Variants in EXD3 observed in about 807,000 individuals in gnomAD.
EXD3 encodes the protein exonuclease mut-7 homolog.
EXD3 carries 92 observed loss-of-function variants against 98.0 expected under a neutral mutation model. The observed-to-expected ratio is 0.94, with a 90% confidence interval of 0.79 to 1.12. The LOEUF (loss-of-function observed/expected upper bound fraction) is 1.12, where lower values mean the gene tolerates loss of function less well. Ranked by LOEUF, EXD3 falls within the 50% of genes most tolerant of loss-of-function variation. The probability of loss-of-function intolerance (pLI) is 0.00; values close to 1 mark genes in which losing one functional copy is unlikely to be tolerated. For synonymous variants in EXD3, 569 were observed against 526.0 expected, an observed-to-expected ratio of 1.08 and a Z score of -1.12; for missense variants, 1,222 against 1,191.6, an observed-to-expected ratio of 1.03 and a Z score of -0.38.
Position 137,316,492 on chromosome 9 carries a change from C to T in EXD3, c.2185-6792G>A, listed in dbSNP as rs146124203. Among the ~76,000 whole-genome samples, 1,450 of 152,278 alleles carry T rather than the reference C, an allele frequency of 9.5e-3. 20 individuals carry two copies. Among genetic ancestry groups the T allele is most frequent in the African/African-American group, 0.032 (1,315 of 41,564 alleles). ...CCATTCCAACCAATGGGGCCGGTCCCGGCAGCAGGTGGCAGGCCCTGAACC... is the reference window on the plus strand; with the variant it reads ...CCATTCCAACCAATGGGGCCGGTCCTGGCAGCAGGTGGCAGGCCCTGAACC... On this transcript the variant is annotated intron_variant, in intron 19 of 21. Coordinates refer to ENST00000340951, the MANE Select transcript of EXD3 (RefSeq NM_017820.5).
At position 137,356,335 on chromosome 9, in the gene EXD3, C is replaced by T. The variant is rs768755151; in HGVS notation, c.690G>A (p.Glu230=). The change falls in exon 8 of 22, where the codon GAG becomes GAA. Residue 230 remains glutamate, a synonymous_variant. Transcript: ENST00000340951. ...RYPEVTSLSL[E]KLSPKALSRQ... is the part of the protein sequence containing the mutation. ...TGCTCAGCGCCTTCGGACTCAGCTT[C>T]TCCAGGCTCAAGGAGGTCACCTCAG... 14 of 1,604,572 alleles carry T rather than the reference C, an allele frequency of 8.7e-6. No homozygotes were observed. The South Asian group carries it at 1.6e-4, about 18-fold the overall frequency.
rs1228595303 is a variant in EXD3, at chr9:137,349,105, C to T, written c.1830+5G>A. 6.3e-7 allele frequency: 1 copy of T among 1,590,270 alleles called. No homozygotes were observed. The highest frequency in any genetic ancestry group is 1.1e-5 in the South Asian group (1 of 89,890). On this transcript the variant is annotated splice_donor_5th_base_variant and intron_variant, in intron 16 of 21. Transcript: ENST00000340951. This position sits in a 1 kb window ranked among gnomAD's most constrained non-coding sequence, Gnocchi z 7.4. ...GACAAACGGACCCTGCGGGGCTTCA[C>T]CCACCTGCCTGGGTGCGGCCGGTGC...
intron 1 of EXD3, among the ~76,000 whole-genome samples, chr9:137,413,503 CTT>C (rs768508083): frequency 0.016 from 2,092 of 128,628 alleles, 24 homozygotes; most frequent in African/African-American, 0.057. Context: ...CCTGGCCTAG[CTT>C]TTTTTTTTTT....
At chr9:137,330,961 C>T (rs993397311) in intron 17 of EXD3, among the ~76,000 whole-genome samples, 1 of 152,232 alleles carries the variant, frequency 6.6e-6, no homozygotes, top group South Asian at 2.1e-4. Context: ...AAGACAGCAT[C>T]GTGTTAACAT....
intron 1 of EXD3, among the ~76,000 whole-genome samples, chr9:137,396,772 C>T (rs887278729): frequency 6.6e-6 from 1 of 152,268 alleles, no homozygotes; most frequent in Non-Finnish European, 1.5e-5. Flanking sequence ...CTGCTCCAGA[C>T]TCCTGCTCCA....
intron 20 of EXD3, 94 bp downstream of exon 20, chr9:137,309,513 G>C: frequency 3.8e-6 from 4 of 1,044,354 alleles, no homozygotes; most frequent in Non-Finnish European, 5.7e-6. Flanking sequence ...AGGAAGCTCA[G>C]TGCTGGACGG....
rs559957505 is a variant in EXD3, at chr9:137,364,601, G to A, written c.656+1892C>T. Among the ~76,000 whole-genome samples, 15 of 150,644 alleles carry A rather than the reference G, an allele frequency of 1.0e-4. No individual in the cohort carries two copies. In the South Asian group the frequency reaches 1.0e-3, roughly 10 times the overall value. On this transcript the variant is annotated intron_variant, in intron 7 of 21. Coordinates refer to ENST00000340951, the MANE Select transcript of EXD3 (RefSeq NM_017820.5). ...TGCGCCACTGCACTCCAGCCTGGGC[G>A]ACAAAGGCTTCATCTAAAAAAAAAA...
rs1182318014 is a variant in EXD3, at chr9:137,403,899, C to A, written c.-47-8495G>T. ...TGGGTCCCGAGGCGGGGCAGTCACACCCCCACGCCATCTCTGCATAGACCC... is the reference window on the plus strand; with the variant it reads ...TGGGTCCCGAGGCGGGGCAGTCACAACCCCACGCCATCTCTGCATAGACCC... On this transcript the variant is annotated intron_variant, in intron 1 of 21. Transcript: ENST00000340951. The surrounding 1 kb of genome is among the most constrained non-coding windows in gnomAD (Gnocchi z 6.1). 6.6e-6 allele frequency among the ~76,000 whole-genome samples: 1 copy of A among 152,206 alleles called. No individual in the cohort carries two copies. Among genetic ancestry groups the A allele is most frequent in the African/African-American group, 2.4e-5 (1 of 41,456 alleles).
chr9:137,353,508 C>T, intron 10 of EXD3: 1 of 987,288 alleles, frequency 1.0e-6, no homozygotes, highest in Non-Finnish European at 1.2e-6. Flanking sequence ...ACCCATGGCC[C>T]AGGAGCAGAC....
In EXD3 at chr9:137,419,699, G is replaced by A. The variant is rs895698680; in HGVS notation, c.-48+3415C>T. Reference sequence around the variant, plus strand: ...AAATAAATAAATAAAATAAAATAAGGTACAGTCCAAAATTTGCATTTTCTT... The same window carrying A: ...AAATAAATAAATAAAATAAAATAAGATACAGTCCAAAATTTGCATTTTCTT... On this transcript the variant is annotated intron_variant, in intron 1 of 21. Coordinates refer to ENST00000340951, the MANE Select transcript of EXD3 (RefSeq NM_017820.5). Among the ~76,000 whole-genome samples, 7 of 151,944 alleles carry A rather than the reference G, an allele frequency of 4.6e-5. No individual in the cohort carries two copies. The South Asian group carries it at 1.0e-3, about 23-fold the overall frequency.
intron 5 of EXD3, among the ~76,000 whole-genome samples, chr9:137,370,847 T>A (rs546211861): frequency 6.6e-6 from 1 of 151,584 alleles, no homozygotes; most frequent in African/African-American, 2.4e-5. Flanking sequence ...ATAAGCTGTT[T>A]AAAAAATGTA....
Position 137,307,170 on chromosome 9 carries a change from A to C in EXD3, c.2411T>G (p.Met804Arg), listed in dbSNP as rs1172236460. 1.9e-6 allele frequency: 3 copies of C among 1,588,886 alleles called. No individual in the cohort carries two copies. The highest frequency in any genetic ancestry group is 2.6e-6 in the Non-Finnish European group (3 of 1,168,960). ...CTGCAGCCGGGTGCCGTCGGCCAGC[A>C]TGTCCGGTGTCTCCGCCCGCAGGTC... ...MADLRAETPD[M>R]LADGTRLQLA... Residue 804 changes from methionine (M) to arginine (R), a missense_variant, in exon 22 of 22, where the codon ATG becomes AGG. Coordinates refer to ENST00000340951, the MANE Select transcript of EXD3 (RefSeq NM_017820.5).
At chr9:137,406,888 G>A (rs1012609215) in intron 1 of EXD3, among the ~76,000 whole-genome samples, 1 of 151,976 alleles carries the variant, frequency 6.6e-6, no homozygotes, top group Non-Finnish European at 1.5e-5. Context: ...GGCTGGGGAC[G>A]GCCTTGCGCG....
At chr9:137,422,110 CT>C (rs1838549976) in intron 1 of EXD3, among the ~76,000 whole-genome samples, 2 of 88,372 alleles carry the variant, frequency 2.3e-5, no homozygotes, top group South Asian at 8.5e-4. Flanking sequence ...TTGTGGTGTT[CT>C]TAAAAAAAAA....
intron 5 of EXD3, among the ~76,000 whole-genome samples, chr9:137,372,640 G>C (rs555447359): frequency 7.9e-5 from 12 of 152,346 alleles, no homozygotes; most frequent in African/African-American, 2.6e-4. Flanking sequence ...GTGCATGCTG[G>C]GAGACACAGG....
chr9:137,410,013 A>G (rs1202181012), intron 1 of EXD3, among the ~76,000 whole-genome samples: 1 of 152,000 alleles, frequency 6.6e-6, no homozygotes, highest in Non-Finnish European at 1.5e-5. Context: ...TGTCTCTACT[A>G]AAAATACAAA....
In EXD3 at chr9:137,367,972, C is replaced by T. The variant is rs11507683; in HGVS notation, c.480G>A (p.Ala160=). The T allele has an allele frequency of 0.11, 182,093 of 1,611,034 alleles. 11,822 individuals are homozygous for T. Among genetic ancestry groups the T allele is most frequent in the African/African-American group, 0.15 (11,087 of 75,054 alleles). ...GRFREAATLG[A]TLKLQSELGV... ...CAAGCTCCGACTGCAGCTTCAACGTCGCGCCCAGCGTGGCTGCCTGGCAAA... is the reference window on the plus strand; with the variant it reads ...CAAGCTCCGACTGCAGCTTCAACGTTGCGCCCAGCGTGGCTGCCTGGCAAA... The change falls in exon 6 of 22, where the codon GCG becomes GCA. Residue 160 remains alanine (A), a synonymous_variant. Coordinates refer to ENST00000340951, the MANE Select transcript of EXD3 (RefSeq NM_017820.5).
Position 137,324,062 on chromosome 9 carries a change from C to A in EXD3, c.2052+28G>T, listed in dbSNP as rs1036143546. ...GGGCTTGGGAAGATGGGGCTCAGGC[C>A]CACTGAGCTTATCTTTGGGACACTC... is the stretch of plus-strand genomic sequence containing the variant. On this transcript the variant is annotated intron_variant, in intron 18 of 21. Coordinates refer to ENST00000340951, the MANE Select transcript of EXD3 (RefSeq NM_017820.5). This position sits in a 1 kb window ranked among gnomAD's most constrained non-coding sequence, Gnocchi z 4.1. 2.2e-5 allele frequency: 34 copies of A among 1,571,572 alleles called. No homozygotes were observed. Among genetic ancestry groups the A allele is most frequent in the Non-Finnish European group, 2.8e-5 (33 of 1,158,356 alleles).
chr9:137,375,432 CAGTTCTAGTG>C (rs1835848859), intron 3 of EXD3, among the ~76,000 whole-genome samples: 1 of 149,174 alleles, frequency 6.7e-6, no homozygotes, highest in African/African-American at 2.5e-5. Context: ...TAGTGAGTTA[CAGTTCTAGTG>C]AGTTCTAGCT....
Sources: allele counts gnomAD v4.1 joint callset (sites outside exome capture counted in the v4.1 genomes callset), GRCh38; gene constraint gnomAD v4.1.1; non-coding constraint Gnocchi (gnomAD v3.1); transcripts MANE v1.5; gene names NCBI Gene and HGNC (gene_info 2026-07-23, HGNC 2026-07-21).